Variants in CEP43 observed in about 807,000 individuals in gnomAD.
CEP43 encodes centrosomal protein 43.
CEP43 carries 36 observed loss-of-function variants against 52.6 expected under a neutral mutation model. The ratio of observed to expected loss-of-function variants is 0.68; its 90% confidence interval spans 0.52 to 0.90. The LOEUF (loss-of-function observed/expected upper bound fraction) is 0.90, where lower values mean the gene tolerates loss of function less well. Among genes scored for constraint, CEP43 ranks in the 40% least tolerant of loss-of-function variants. The pLI is 0.00. For missense variants in CEP43, 506 were observed against 472.8 expected (o/e 1.07, Z -0.65); for synonymous variants, 192 against 172.4 (o/e 1.11, Z -0.89).
chr6:167,016,952 TA>T (rs1485295150), intron 7 of CEP43, among the ~76,000 whole-genome samples: 19 of 151,886 alleles, frequency 1.3e-4, no homozygotes, highest in Admixed American at 1.2e-3. Context: ...AAAATGGTTA[TA>T]AAAAATAATA....
At chr6:167,010,757 G>A in intron 5 of CEP43, 56 bp from the exon 6 acceptor site, 1 of 791,468 alleles carries the variant, frequency 1.3e-6, no homozygotes, top group East Asian at 3.1e-5. Flanking sequence ...GAGTGTAATT[G>A]GTATATTTGT....
At chr6:167,036,473 G>A in intron 12 of CEP43, 1 of 985,418 alleles carries the variant, frequency 1.0e-6, no homozygotes, top group Non-Finnish European at 1.2e-6. Flanking sequence ...CAAAGACATA[G>A]GTAGATGTTG....
intron 8 of CEP43, 137 bp downstream of exon 8, chr6:167,022,772 G>A: frequency 1.5e-6 from 1 of 651,824 alleles, no homozygotes; most frequent in Non-Finnish European, 2.6e-6. Context: ...CGTTGTTAAT[G>A]CCTTTCATGT....
At chr6:167,029,374 C>G (rs915441690) in intron 10 of CEP43, among the ~76,000 whole-genome samples, 1 of 152,190 alleles carries the variant, frequency 6.6e-6, no homozygotes, top group Non-Finnish European at 1.5e-5. Context: ...TGCTTGGGAC[C>G]AGAAGTATTT....
rs1780819937 is a variant in CEP43, at chr6:167,047,718, G to A, written c.*7740G>A. 6.6e-6 allele frequency: 1 copy of A among 152,114 alleles called. No homozygotes were observed. 9.4% of individuals were successfully genotyped at this position (152,114 alleles called of 1,614,324 possible). A position where few individuals can be genotyped will look rare whatever the true frequency, so the allele number is the denominator to read the frequency against. ...CTCCTCAAAGCTCTCGCCCCGCGCC[G>A]AGCTACTGTGATGTATTTTTATGAC... On this transcript the variant is annotated 3_prime_UTR_variant, in exon 13 of 13. Transcript: ENST00000366847.
intron 5 of CEP43, among the ~76,000 whole-genome samples, chr6:167,008,234 C>T (rs1418682303): frequency 4.0e-5 from 6 of 151,812 alleles, no homozygotes; most frequent in African/African-American, 1.5e-4. Flanking sequence ...TTATTCTATC[C>T]TCCACTTGGA....
intron 5 of CEP43, among the ~76,000 whole-genome samples, chr6:167,005,056 A>C (rs1455243639): frequency 6.6e-6 from 1 of 152,216 alleles, no homozygotes; most frequent in African/African-American, 2.4e-5. Flanking sequence ...TGTTTTATAG[A>C]TACAGGTAAC....
At chr6:167,012,367 A>T (rs550786537) in intron 6 of CEP43, among the ~76,000 whole-genome samples, 48 of 150,020 alleles carry the variant, frequency 3.2e-4, no homozygotes, top group Non-Finnish European at 4.8e-4. Context: ...TTTTTTTAAA[A>T]TTTTTTTTTT....
chr6:167,026,792 C>T (rs1441968103), intron 10 of CEP43, among the ~76,000 whole-genome samples, 177 bp downstream of exon 10: 2 of 152,214 alleles, frequency 1.3e-5, no homozygotes, highest in Non-Finnish European at 2.9e-5. Flanking sequence ...GAGATGGCTA[C>T]AGCAACAGCC....
chr6:167,028,013 C>T, intron 10 of CEP43: 2 of 985,690 alleles, frequency 2.0e-6, no homozygotes, highest in Admixed American at 6.1e-5. Flanking sequence ...CCTCCTTTCC[C>T]TCCCTTGTGC....
intron 12 of CEP43, among the ~76,000 whole-genome samples, chr6:167,035,742 A>AT (rs1403807717): frequency 4.6e-5 from 7 of 151,078 alleles, no homozygotes; most frequent in Non-Finnish European, 7.4e-5. Flanking sequence ...GATTTTTTGT[A>AT]TTTTTTTATA....
intron 1 of CEP43, 85 bp from the exon 2 acceptor site, chr6:166,999,975 C>G: frequency 8.3e-7 from 1 of 1,209,186 alleles, no homozygotes; most frequent in Non-Finnish European, 1.2e-6. Context: ...CGTTGGCTTG[C>G]TCGTGTTTGT....
chr6:167,028,219 C>T (rs28498561), intron 10 of CEP43: 2 of 985,404 alleles, frequency 2.0e-6, no homozygotes, highest in East Asian at 1.1e-4. Context: ...TCTGACTGCT[C>T]TATTCTCTTA....
chr6:167,003,332 C>A, intron 3 of CEP43, 85 bp downstream of exon 3: 1 of 712,520 alleles, frequency 1.4e-6, no homozygotes. Flanking sequence ...AATTTCAGGG[C>A]TTTTTTTTTG....
At chr6:167,003,332 C>CT (rs201000904) in intron 3 of CEP43, 85 bp downstream of exon 3, 470 of 711,314 alleles carry the variant, frequency 6.6e-4, no homozygotes, top group African/African-American at 1.2e-3. Flanking sequence ...AATTTCAGGG[C>CT]TTTTTTTTTG....
At chr6:167,038,642 A>T (rs1780630830) in intron 12 of CEP43, among the ~76,000 whole-genome samples, 1 of 152,200 alleles carries the variant, frequency 6.6e-6, no homozygotes, top group Non-Finnish European at 1.5e-5. Context: ...TTTCACTTGA[A>T]ATATTTGAGA....
chr6:167,003,694 C>T, intron 3 of CEP43, 29 bp from the exon 4 acceptor site: 1 of 1,420,942 alleles, frequency 7.0e-7, no homozygotes, highest in Non-Finnish European at 9.9e-7. Flanking sequence ...TGAAGATTTG[C>T]TTACTTACCT....
chr6:167,011,895 C>T (rs1417495210), intron 6 of CEP43, among the ~76,000 whole-genome samples: 1 of 152,184 alleles, frequency 6.6e-6, no homozygotes, highest in African/African-American at 2.4e-5. Flanking sequence ...CCTTCTGATA[C>T]CATCACATTG....
Position 167,024,893 on chromosome 6 carries a change from G to A in CEP43, c.918G>A (p.Glu306=). The A allele has an allele frequency of 6.5e-7, 1 of 1,546,290 alleles. No homozygotes were observed. Among genetic ancestry groups the A allele is most frequent in the Non-Finnish European group, 8.9e-7 (1 of 1,121,478 alleles). Residue 306 remains glutamate, a splice_region_variant and synonymous_variant, in exon 9 of 13, where the codon GAG becomes GAA. Transcript: ENST00000366847. Reference sequence around the variant, plus strand: ...GAGCCCCTTCTTTAAAAGACTCTGAGAGTAAGTGCCCAAAGATGTGGACTT... The same window carrying A: ...GAGCCCCTTCTTTAAAAGACTCTGAAAGTAAGTGCCCAAAGATGTGGACTT... ...LAGAPSLKDS[E]SKRGNTVLKD...
Sources: gnomAD v4.1 joint callset for allele counts (sites outside exome capture counted in the v4.1 genomes callset) on GRCh38, gnomAD v4.1.1 for gene constraint, MANE v1.5 for transcripts, NCBI Gene and HGNC (gene_info 2026-07-23, HGNC 2026-07-21) for gene names.